Variants in TSNAXIP1 observed in about 807,000 individuals in gnomAD.
The protein encoded by TSNAXIP1 is translin associated factor X interacting protein 1.
In TSNAXIP1, 89 loss-of-function variants were observed where a neutral mutation model predicts 84.8. The ratio of observed to expected loss-of-function variants is 1.05; its 90% CI spans 0.88 to 1.25. The LOEUF (loss-of-function observed/expected upper bound fraction) is 1.25, where lower values mean the gene tolerates loss of function less well. Ranked by LOEUF, TSNAXIP1 falls within the 50% of genes most tolerant of loss-of-function variation. TSNAXIP1 has a pLI of 0.00. For synonymous variants in TSNAXIP1, 347 were observed against 335.2 expected (o/e 1.04, Z -0.39); for missense variants, 874 against 887.6 (o/e 0.98, Z 0.20).
intron 2 of TSNAXIP1, among the ~76,000 whole-genome samples, chr16:67,816,575 G>C (rs1464402235): frequency 6.6e-6 from 1 of 152,142 alleles, no homozygotes; most frequent in Non-Finnish European, 1.5e-5. Context: ...CAGAGACCAA[G>C]CGCAGCCCAA....
intron 2 of TSNAXIP1, among the ~76,000 whole-genome samples, chr16:67,815,294 A>G (rs1264154867): frequency 6.7e-6 from 1 of 148,556 alleles, no homozygotes; most frequent in Non-Finnish European, 1.5e-5. Context: ...AGCCTGGACA[A>G]CAGAGCAAGA....
chr16:67,824,738 A>G lies in TSNAXIP1; in HGVS notation c.637A>G (p.Ile213Val), dbSNP rs1386137064. The change falls in exon 6 of 16, where the codon ATC becomes GTC. Residue 213 changes from isoleucine to valine, a missense_variant. Physicochemically the swap from Ile to Val is conservative, Grantham distance 29 (BLOSUM62 3). Coordinates refer to ENST00000561639, the MANE Select transcript of TSNAXIP1 (RefSeq NM_001288990.3). The part of the protein sequence containing the change: ...KKEKMNLLKL[I>V]DKKNEEKISL... ...AGAGAAGATGAACTTGCTAAAACTC[A>G]TCGACAAAAAGAATGAGGAGAAGAT... The G allele has an allele frequency of 6.2e-7, 1 of 1,614,070 alleles. No homozygotes were observed. The highest frequency in any genetic ancestry group is 1.3e-5 in the African/African-American group (1 of 74,928).
rs1255643150 is a variant in TSNAXIP1, at chr16:67,822,836, G to C, written c.388-790G>C. ...GGCTTCAAACTCAGGGCTGACTCTG[G>C]AGACTGTGCTCATTTCAGTGAGCAA... On this transcript the variant is annotated intron_variant, in intron 4 of 15. Coordinates refer to ENST00000561639, the MANE Select transcript of TSNAXIP1 (RefSeq NM_001288990.3). Among the ~76,000 whole-genome samples the C allele has an allele frequency of 2.0e-5, 3 of 152,156 alleles. No homozygotes were observed. The East Asian group carries it at 5.8e-4, about 29-fold the overall frequency.
chr16:67,820,384 A>C (rs1598057821), intron 2 of TSNAXIP1, among the ~76,000 whole-genome samples: 1 of 152,312 alleles, frequency 6.6e-6, no homozygotes, highest in East Asian at 1.9e-4. Flanking sequence ...TTGAGACTTA[A>C]CCCGAGTCTT....
At chr16:67,817,123 A>C (rs1598031384) in intron 2 of TSNAXIP1, among the ~76,000 whole-genome samples, 1 of 149,238 alleles carries the variant, frequency 6.7e-6, no homozygotes, top group Non-Finnish European at 1.5e-5. Flanking sequence ...GTGTCACCAC[A>C]CCTGGCTAAT....
intron 1 of TSNAXIP1, among the ~76,000 whole-genome samples, chr16:67,811,600 C>T (rs1310573740): frequency 6.6e-6 from 1 of 151,802 alleles, no homozygotes; most frequent in East Asian, 1.9e-4. Context: ...CGCCACCACA[C>T]CCGGCTAATT....
chr16:67,827,475 T>A lies in TSNAXIP1; in HGVS notation c.1794T>A (p.Asp598Glu). Residue 598 changes from aspartate (D) to glutamate (E), a missense_variant and splice_region_variant, in exon 15 of 16, where the codon GAT becomes GAA. Coordinates refer to ENST00000561639, the MANE Select transcript of TSNAXIP1 (RefSeq NM_001288990.3). ...LLNYRSLFME[D>E]EEGQSEPFVQ... The stretch of plus-strand genomic sequence containing the variant: ...CCCTGACTTGTGGCCCCTCCCAGGA[T>A]GAGGAGGGCCAGAGTGAGCCCTTTG... 6.2e-7 allele frequency: 1 copy of A among 1,614,034 alleles called. No homozygotes were observed. Among genetic ancestry groups the A allele is most frequent in the Non-Finnish European group, 8.5e-7 (1 of 1,179,950 alleles).
At position 67,824,849 on chromosome 16, in the gene TSNAXIP1, CT is replaced by C. The variant is rs1343405188; in HGVS notation, c.678+71del. The C allele has an allele frequency of 5.4e-6, 8 of 1,494,324 alleles. No homozygotes were observed. In the Admixed American group the frequency reaches 1.5e-4, roughly 28 times the overall value. The allele number at this position is 1,494,324 out of a possible 1,614,324, so 92.6% of individuals were successfully genotyped here. A position where few individuals can be genotyped will look rare whatever the true frequency, so the allele number is the denominator to read the frequency against. ...CCAACTCCACGACAAGGGTGACCCC[CT>C]ACCCTGCTCTGCCTTTCTACGGAGA... On this transcript the variant is annotated intron_variant, in intron 6 of 15. Transcript: ENST00000561639.
At chr16:67,810,923 T>C (rs1244764994) in intron 1 of TSNAXIP1, among the ~76,000 whole-genome samples, 2 of 151,506 alleles carry the variant, frequency 1.3e-5, no homozygotes, top group African/African-American at 2.4e-5. Flanking sequence ...GTATTTTTAG[T>C]AGACAGGGTT....
intron 4 of TSNAXIP1, among the ~76,000 whole-genome samples, chr16:67,822,713 A>G (rs1271037072): frequency 6.6e-6 from 1 of 152,214 alleles, no homozygotes; most frequent in African/African-American, 2.4e-5. Context: ...TTTACTGAGC[A>G]CTGGCTATGT....
intron 2 of TSNAXIP1, among the ~76,000 whole-genome samples, chr16:67,818,668 G>A (rs1369418367): frequency 6.6e-6 from 1 of 151,618 alleles, no homozygotes; most frequent in Admixed American, 6.6e-5. Context: ...GACAGTTCGA[G>A]AAGCCCAGCG....
rs771942398 is a variant in TSNAXIP1, at chr16:67,826,070, T to G, written c.1138T>G (p.Cys380Gly). Residue 380 changes from cysteine (C) to glycine (G), a missense_variant, in exon 9 of 16, where the codon TGC becomes GGC. Physicochemically the swap from Cys to Gly is radical, Grantham distance 159. Coordinates refer to ENST00000561639, the MANE Select transcript of TSNAXIP1 (RefSeq NM_001288990.3). ...TSTPRPDWTKCKDVVAGGPER... is the reference protein window; with the variant it reads ...TSTPRPDWTKGKDVVAGGPER... Reference sequence around the variant, plus strand: ...CACGCCGCGGCCTGACTGGACCAAGTGCAAAGGTGAGGGCAGCCGGCAGGG... The same window carrying G: ...CACGCCGCGGCCTGACTGGACCAAGGGCAAAGGTGAGGGCAGCCGGCAGGG... 2.5e-6 allele frequency: 4 copies of G among 1,613,494 alleles called. No homozygotes were observed. Among genetic ancestry groups the G allele is most frequent in the Middle Eastern group, 3.3e-4 (2 of 6,062 alleles).
At chr16:67,811,666 A>G (rs1820104585) in intron 1 of TSNAXIP1, among the ~76,000 whole-genome samples, 1 of 146,766 alleles carries the variant, frequency 6.8e-6, no homozygotes, top group African/African-American at 2.5e-5. Context: ...CTGGTCTTGA[A>G]CTCCTGACCT....
Sources: allele counts gnomAD v4.1 joint callset (sites outside exome capture counted in the v4.1 genomes callset), GRCh38; gene constraint gnomAD v4.1.1; transcripts MANE v1.5; gene names NCBI Gene and HGNC (gene_info 2026-07-23, HGNC 2026-07-21).